Variants in DENND5B observed in about 807,000 individuals in gnomAD.
DENND5B encodes DENN domain containing 5B, also known as DENN domain-containing protein 5B.
In DENND5B, 34 loss-of-function variants were observed where a neutral mutation model predicts 140.6. The observed-to-expected ratio is 0.24, with a 90% confidence interval of 0.18 to 0.32. DENND5B has a LOEUF of 0.32. Among genes scored for constraint, DENND5B ranks in the 10% least tolerant of loss-of-function variants. The pLI is 1.00. For missense variants in DENND5B, 1,142 were observed against 1,560.2 expected (o/e 0.73, Z 4.52); for synonymous variants, 551 against 562.1 (o/e 0.98, Z 0.28).
At chr12:31,407,105 G>A (rs1326786608) in intron 14 of DENND5B, among the ~76,000 whole-genome samples, 5 of 151,150 alleles carry the variant, frequency 3.3e-5, no homozygotes, top group Middle Eastern at 3.5e-3. Flanking sequence ...TGGCCTCTTC[G>A]ATTTAATTAA....
chr12:31,449,731 G>GTTTTTTGTTTTTT lies in DENND5B; in HGVS notation c.1630-1963_1630-1962insAAAAAACAAAAAA, dbSNP rs1555149744. 2.2e-5 allele frequency among the ~76,000 whole-genome samples: 2 copies of GTTTTTTGTTTTTT among 89,970 alleles called. 1 individual carries two copies. Among genetic ancestry groups the GTTTTTTGTTTTTT allele is most frequent in the Non-Finnish European group, 4.3e-5 (2 of 46,856 alleles). The allele number at this position is 89,970 out of a possible 152,430, so 59.0% of individuals were successfully genotyped here. On this transcript the variant is annotated intron_variant, in intron 5 of 20. Coordinates refer to ENST00000389082, the MANE Select transcript of DENND5B (RefSeq NM_144973.4). ...ATAAACCATGGATATACACAGATTA[G>GTTTTTTGTTTTTT]TTTTTTTTTTTTTTTTTTGAGACAG...
intron 1 of DENND5B, among the ~76,000 whole-genome samples, chr12:31,584,335 T>C (rs1320634614): frequency 3.3e-5 from 5 of 152,216 alleles, no homozygotes; most frequent in African/African-American, 1.2e-4. Flanking sequence ...ATTAACAAAA[T>C]GGGCCATAAG....
At chr12:31,573,833 A>C (rs1057305374) in intron 1 of DENND5B, among the ~76,000 whole-genome samples, 2 of 152,186 alleles carry the variant, frequency 1.3e-5, no homozygotes, top group African/African-American at 4.8e-5. Flanking sequence ...GCACGCCATT[A>C]GTCCCAGCTA....
At chr12:31,392,820 G>A in intron 17 of DENND5B, 124 bp from the exon 18 acceptor site, 4 of 943,716 alleles carry the variant, frequency 4.2e-6, no homozygotes, top group Non-Finnish European at 6.2e-6. Context: ...TTTGCCAGGG[G>A]CTCCATAGAA....
At chr12:31,577,961 C>CA (rs1157466722) in intron 1 of DENND5B, among the ~76,000 whole-genome samples, 2 of 150,512 alleles carry the variant, frequency 1.3e-5, no homozygotes, top group East Asian at 4.0e-4. Flanking sequence ...CCCATCTCTA[C>CA]AAAAAATACA....
At chr12:31,578,898 AAGTC>A (rs1950111949) in intron 1 of DENND5B, among the ~76,000 whole-genome samples, 1 of 152,200 alleles carries the variant, frequency 6.6e-6, no homozygotes, top group Non-Finnish European at 1.5e-5. Context: ...CAAATGAGAA[AAGTC>A]ATATTTTCAA....
At chr12:31,419,459 A>C (rs1942918211) in intron 11 of DENND5B, among the ~76,000 whole-genome samples, 1 of 152,114 alleles carries the variant, frequency 6.6e-6, no homozygotes, top group Admixed American at 6.6e-5. Context: ...AAAAAAAAAA[A>C]AGAATGAACA....
intron 10 of DENND5B, 45 bp downstream of exon 10, chr12:31,424,489 AG>A (rs1943151938): frequency 6.5e-7 from 1 of 1,535,490 alleles, no homozygotes; most frequent in African/African-American, 1.4e-5. Context: ...ATTTCTTAAC[AG>A]GGCTCTTAAC....
At chr12:31,450,962 G>C (rs976134695) in intron 5 of DENND5B, among the ~76,000 whole-genome samples, 4 of 152,082 alleles carry the variant, frequency 2.6e-5, no homozygotes, top group Admixed American at 6.6e-5. Flanking sequence ...AGAAATCACA[G>C]GACAAGGAAA....
chr12:31,571,514 C>A (rs1949821546), intron 1 of DENND5B, among the ~76,000 whole-genome samples: 1 of 151,930 alleles, frequency 6.6e-6, no homozygotes, highest in South Asian at 2.1e-4. Context: ...GTTGCAAGAA[C>A]TACGGATTTA....
intron 3 of DENND5B, among the ~76,000 whole-genome samples, chr12:31,470,546 G>T (rs1945511299): frequency 6.6e-6 from 1 of 152,138 alleles, no homozygotes; most frequent in Non-Finnish European, 1.5e-5. Flanking sequence ...CACTGCACCA[G>T]GCCAAACTTC....
chr12:31,527,794 ACT>A (rs903063935), intron 1 of DENND5B, among the ~76,000 whole-genome samples: 11 of 151,798 alleles, frequency 7.2e-5, no homozygotes, highest in African/African-American at 2.7e-4. Context: ...AAAAAAAATC[ACT>A]CTGACAGTTG....
At chr12:31,456,005 T>A (rs989205200) in intron 4 of DENND5B, among the ~76,000 whole-genome samples, 2 of 149,920 alleles carry the variant, frequency 1.3e-5, no homozygotes, top group African/African-American at 4.9e-5. Context: ...GGCGACAGAG[T>A]GAGACTCCGT....
At chr12:31,556,058 A>G (rs1949270297) in intron 1 of DENND5B, among the ~76,000 whole-genome samples, 1 of 152,172 alleles carries the variant, frequency 6.6e-6, no homozygotes, top group Admixed American at 6.5e-5. Context: ...CGCTGCACCC[A>G]CTGTCCTGCA....
Position 31,496,234 on chromosome 12 carries a change from T to A in DENND5B, c.128-315A>T, listed in dbSNP as rs144809051. 1.7e-4 allele frequency among the ~76,000 whole-genome samples: 26 copies of A among 152,360 alleles called. No individual in the cohort carries two copies. In the East Asian group the frequency reaches 5.0e-3, roughly 29 times the overall value. On this transcript the variant is annotated intron_variant, in intron 1 of 20. Transcript: ENST00000389082. ...CAGTGTGTGGTAATAATAAACTATATGAAAACATTTACTTCAGAAAAGAAA... is the reference window on the plus strand; with the variant it reads ...CAGTGTGTGGTAATAATAAACTATAAGAAAACATTTACTTCAGAAAAGAAA...
Position 31,495,819 on chromosome 12 carries a change from C to T in DENND5B, c.228G>A (p.Ala76=), listed in dbSNP as rs572428807. Residue 76 remains alanine, a synonymous_variant, in exon 2 of 21, where the codon GCG becomes GCA. Coordinates refer to ENST00000389082, the MANE Select transcript of DENND5B (RefSeq NM_144973.4). ...GAAAAAAAACACATACCATGTTCAC[C>T]GCATCTTGATCAAAAGGGTTCCATT... ...NIEWNPFDQD[A]VNMLCMPKGL... is the part of the protein sequence containing the mutation. The T allele has an allele frequency of 1.9e-5, 31 of 1,607,328 alleles. 1 individual carries two copies. The highest frequency in any genetic ancestry group is 1.1e-4 in the South Asian group (10 of 89,708).
chr12:31,445,204 A>G (rs980681099), intron 6 of DENND5B, among the ~76,000 whole-genome samples: 1 of 152,212 alleles, frequency 6.6e-6, no homozygotes, highest in African/African-American at 2.4e-5. Flanking sequence ...ATTGTATAAA[A>G]TAAGTGTGGA....
At chr12:31,395,780 C>A (rs1401194645) in intron 17 of DENND5B, among the ~76,000 whole-genome samples, 1 of 151,968 alleles carries the variant, frequency 6.6e-6, no homozygotes, top group Non-Finnish European at 1.5e-5. Flanking sequence ...AAAGCCCCTT[C>A]ACTGATAAAC....
At chr12:31,522,988 T>A (rs1947954301) in intron 1 of DENND5B, among the ~76,000 whole-genome samples, 1 of 151,820 alleles carries the variant, frequency 6.6e-6, no homozygotes, top group South Asian at 2.1e-4. Context: ...GGGACCAATA[T>A]GGGAGATTCC....
Sources: gnomAD v4.1 joint callset for allele counts (sites outside exome capture counted in the v4.1 genomes callset) on GRCh38, gnomAD v4.1.1 for gene constraint, MANE v1.5 for transcripts, NCBI Gene and HGNC (gene_info 2026-07-23, HGNC 2026-07-21) for gene names.